The following SNTG1 variants were observed in gnomAD, a reference collection of about 807,000 sequenced individuals.
SNTG1 encodes gamma-1-syntrophin.
Under a neutral mutation model 74.7 loss-of-function variants are expected in SNTG1, and 39 were observed. The ratio of observed to expected loss-of-function variants is 0.52; its 90% confidence interval spans 0.40 to 0.68. SNTG1 has a LOEUF of 0.68. Ranked by LOEUF, SNTG1 falls within the 30% of genes least tolerant of loss-of-function variation. The pLI, the probability that SNTG1 is intolerant of heterozygous loss-of-function variation, is 0.00. For missense variants in SNTG1, 685 were observed against 609.5 expected (o/e 1.12, Z -1.30); for synonymous variants, 254 against 217.1 (o/e 1.17, Z -1.49).
At chr8:50,086,125 C>A (rs1390424116) in intron 1 of SNTG1, among the ~76,000 whole-genome samples, 1 of 152,122 alleles carries the variant, frequency 6.6e-6, no homozygotes, top group African/African-American at 2.4e-5. Context: ...AAATGTGGAA[C>A]ACTGTGCAGC....
intron 18 of SNTG1, among the ~76,000 whole-genome samples, chr8:50,763,896 C>T (rs942296841): frequency 2.8e-5 from 3 of 106,122 alleles, no homozygotes; most frequent in South Asian, 3.3e-4. Context: ...CACACACACA[C>T]ACACACACAC....
intron 2 of SNTG1, among the ~76,000 whole-genome samples, chr8:50,225,473 G>C (rs1000459130): frequency 1.3e-5 from 2 of 152,108 alleles, no homozygotes; most frequent in African/African-American, 4.8e-5. Context: ...CCACCACCTT[G>C]AGTTGTCCCC....
intron 12 of SNTG1, among the ~76,000 whole-genome samples, chr8:50,571,167 C>T (rs937734152): frequency 1.3e-5 from 2 of 152,136 alleles, no homozygotes; most frequent in African/African-American, 2.4e-5. Context: ...CAGCTATTAG[C>T]GTTTCAGCAG....
chr8:50,532,314 A>G (rs2094275312), intron 10 of SNTG1, among the ~76,000 whole-genome samples: 1 of 152,188 alleles, frequency 6.6e-6, no homozygotes, highest in Admixed American at 6.5e-5. Flanking sequence ...TTTTGTTGAG[A>G]ACTTACTCTG....
intron 4 of SNTG1, among the ~76,000 whole-genome samples, chr8:50,413,673 CTG>C (rs2092978928): frequency 1.3e-5 from 2 of 152,304 alleles, no homozygotes; most frequent in African/African-American, 4.8e-5. Flanking sequence ...TCTCTATTAT[CTG>C]TGTTCTTTCC....
intron 15 of SNTG1, among the ~76,000 whole-genome samples, chr8:50,700,358 G>T (rs570700216): frequency 1.5e-4 from 23 of 152,272 alleles, no homozygotes; most frequent in African/African-American, 4.8e-4. Flanking sequence ...AAGAAATCTA[G>T]TGTCAATGAT....
At chr8:50,225,936 G>C (rs988492230) in intron 2 of SNTG1, among the ~76,000 whole-genome samples, 1 of 152,038 alleles carries the variant, frequency 6.6e-6, no homozygotes, top group Admixed American at 6.5e-5. Flanking sequence ...AAAATATTTT[G>C]CAGTATTAAA....
At chr8:50,163,080 C>T (rs2082480742) in intron 1 of SNTG1, among the ~76,000 whole-genome samples, 1 of 152,128 alleles carries the variant, frequency 6.6e-6, no homozygotes, top group African/African-American at 2.4e-5. Flanking sequence ...AAGCAACTGG[C>T]TAGGTCCCAG....
chr8:50,199,676 G>C (rs958107128), intron 2 of SNTG1, among the ~76,000 whole-genome samples: 4 of 152,138 alleles, frequency 2.6e-5, no homozygotes, highest in Non-Finnish European at 5.9e-5. Context: ...AGTGCAGGTC[G>C]TCAGCTGCCC....
intron 1 of SNTG1, among the ~76,000 whole-genome samples, chr8:50,126,534 T>C (rs961886747): frequency 3.9e-5 from 6 of 152,060 alleles, no homozygotes; most frequent in South Asian, 2.1e-4. Context: ...CTTGAGAAGA[T>C]AGAGATTTAC....
chr8:50,505,740 A>G (rs1054001233), intron 9 of SNTG1, among the ~76,000 whole-genome samples: 3 of 152,168 alleles, frequency 2.0e-5, no homozygotes, highest in Admixed American at 6.6e-5. Context: ...AATTCTTCAG[A>G]TACTCTGGCT....
intron 10 of SNTG1, among the ~76,000 whole-genome samples, chr8:50,536,335 TA>T (rs143890516): frequency 0.048 from 7,304 of 152,278 alleles, 214 homozygotes; most frequent in Middle Eastern, 0.11. Flanking sequence ...CTTAATTGGT[TA>T]ATTATAGTTA....
chr8:50,107,473 T>C (rs2080417772), intron 1 of SNTG1, among the ~76,000 whole-genome samples: 1 of 152,214 alleles, frequency 6.6e-6, no homozygotes, highest in Admixed American at 6.5e-5. Flanking sequence ...ATTAATTGCT[T>C]TCACTTTTTT....
intron 12 of SNTG1, among the ~76,000 whole-genome samples, chr8:50,563,949 T>C (rs1387740207): frequency 6.6e-6 from 1 of 152,140 alleles, no homozygotes; most frequent in Non-Finnish European, 1.5e-5. Flanking sequence ...AACTTAATAT[T>C]AGGAAATACT....
chr8:50,570,266 A>ATTATTTTATTTTATTTTATTTTATTTTT (rs2094540719), intron 12 of SNTG1, among the ~76,000 whole-genome samples: 1 of 127,214 alleles, frequency 7.9e-6, no homozygotes, highest in Non-Finnish European at 1.7e-5. Flanking sequence ...ATTTTATTTT[A>ATTATTTTATTTTATTTTATTTTATTTTT]TTTTATTTTA....
intron 12 of SNTG1, among the ~76,000 whole-genome samples, chr8:50,570,246 ATTT>A (rs374379697): frequency 0.02 from 681 of 33,468 alleles, 1 homozygote; most frequent in East Asian, 0.061. Flanking sequence ...ATTTTATTTT[ATTT>A]TATTTTATTT....
At chr8:50,230,862 CA>C (rs2085585718) in intron 2 of SNTG1, among the ~76,000 whole-genome samples, 1 of 148,918 alleles carries the variant, frequency 6.7e-6, no homozygotes, top group African/African-American at 2.5e-5. Context: ...TAATTTGACT[CA>C]AAAACCACAG....
intron 18 of SNTG1, among the ~76,000 whole-genome samples, chr8:50,754,978 C>A (rs1001176581): frequency 2.6e-5 from 4 of 151,686 alleles, no homozygotes; most frequent in African/African-American, 7.3e-5. Flanking sequence ...CAGTTCACAG[C>A]AAAGTTGAGT....
At chr8:50,255,409 G>C (rs1394019573) in intron 2 of SNTG1, among the ~76,000 whole-genome samples, 1 of 152,114 alleles carries the variant, frequency 6.6e-6, no homozygotes, top group Non-Finnish European at 1.5e-5. Context: ...ATGCACATTA[G>C]TTTACTAGGG....
Sources: gnomAD v4.1 joint callset for allele counts (sites outside exome capture counted in the v4.1 genomes callset) on GRCh38, gnomAD v4.1.1 for gene constraint, MANE v1.5 for transcripts, NCBI Gene and HGNC (gene_info 2026-07-23, HGNC 2026-07-21) for gene names.